Variants in QTMAN observed in about 807,000 individuals in gnomAD.
QTMAN encodes the protein tRNA-queuosine alpha-mannosyltransferase.
the QTMAN span, among the ~76,000 whole-genome samples, chr2:143,965,000 A>C: frequency 0.01 from 1,546 of 152,212 alleles, 30 homozygotes; most frequent in African/African-American, 0.035. Context: ...ATTTGTGGGA[A>C]ATTATTAAGT....
At chr2:143,987,435 T>C in the QTMAN span, among the ~76,000 whole-genome samples, 3 of 152,352 alleles carry the variant, frequency 2.0e-5, no homozygotes, top group East Asian at 3.9e-4. Flanking sequence ...ACATGTCTAA[T>C]GGAATCCCTC....
At chr2:144,136,328 G>A in the QTMAN span, among the ~76,000 whole-genome samples, 4 of 148,348 alleles carry the variant, frequency 2.7e-5, no homozygotes, top group Admixed American at 6.8e-5. Flanking sequence ...CCTGTCAAAA[G>A]AGGGGAGGGG....
At chr2:144,131,658 T>C in the QTMAN span, among the ~76,000 whole-genome samples, 1 of 151,908 alleles carries the variant, frequency 6.6e-6, no homozygotes, top group Non-Finnish European at 1.5e-5. Context: ...GACCATTTAC[T>C]TTCACAATTC....
At chr2:143,946,122 T>C in the QTMAN span, 1 of 152,196 alleles carries the variant, frequency 6.6e-6, no homozygotes, top group Non-Finnish European at 1.5e-5. Context: ...TCATAAGCGA[T>C]TTATCTTGAA....
At chr2:144,022,994 T>C in the QTMAN span, among the ~76,000 whole-genome samples, 1 of 152,194 alleles carries the variant, frequency 6.6e-6, no homozygotes, top group Admixed American at 6.5e-5. Flanking sequence ...TTTCTCATGT[T>C]TTCAATTTAT....
At chr2:144,178,627 T>A in the QTMAN span, 1 of 153,724 alleles carries the variant, frequency 6.5e-6, no homozygotes, top group Admixed American at 6.5e-5. Flanking sequence ...TCCCTAGGCA[T>A]CTCACACTCT....
At chr2:144,235,138 G>C in the QTMAN span, among the ~76,000 whole-genome samples, 8 of 152,186 alleles carry the variant, frequency 5.3e-5, no homozygotes, top group Middle Eastern at 3.2e-3. Flanking sequence ...CATTCATGTA[G>C]TGCCAAAGTA....
At chr2:144,323,713 A>G in the QTMAN span, among the ~76,000 whole-genome samples, 1 of 152,184 alleles carries the variant, frequency 6.6e-6, no homozygotes, top group Admixed American at 6.5e-5. Flanking sequence ...CCCCCATATA[A>G]TAAATATACT....
the QTMAN span, among the ~76,000 whole-genome samples, chr2:144,328,554 C>G: frequency 3.9e-5 from 6 of 152,308 alleles, no homozygotes; most frequent in Non-Finnish European, 5.9e-5. Flanking sequence ...ATGCTCAGGG[C>G]ACCAGAATAA....
chr2:144,200,102 C>T, the QTMAN span, among the ~76,000 whole-genome samples: 1 of 152,038 alleles, frequency 6.6e-6, no homozygotes, highest in African/African-American at 2.4e-5. Context: ...CCAGGGGCTA[C>T]AAACACAAAG....
At chr2:144,052,199 A>G in the QTMAN span, among the ~76,000 whole-genome samples, 1 of 152,160 alleles carries the variant, frequency 6.6e-6, no homozygotes, top group Non-Finnish European at 1.5e-5. Flanking sequence ...GTCTGGATTT[A>G]TGGAATTTAT....
chr2:144,076,996 C>A, the QTMAN span, among the ~76,000 whole-genome samples: 65 of 149,862 alleles, frequency 4.3e-4, no homozygotes, highest in Non-Finnish European at 7.7e-4. Flanking sequence ...AAAATAAAAA[C>A]CAGGTAATAT....
At chr2:144,266,890 T>C in the QTMAN span, among the ~76,000 whole-genome samples, 1 of 152,174 alleles carries the variant, frequency 6.6e-6, no homozygotes, top group Non-Finnish European at 1.5e-5. Flanking sequence ...AACTATAAAG[T>C]ACTTTGGGGA....
the QTMAN span, among the ~76,000 whole-genome samples, chr2:143,980,205 G>A: frequency 2.0e-5 from 3 of 151,726 alleles, no homozygotes; most frequent in African/African-American, 7.3e-5. Context: ...CCCTCTGACA[G>A]GCCCCAGTGT....
chr2:144,010,241 T>C, the QTMAN span, among the ~76,000 whole-genome samples: 1 of 152,034 alleles, frequency 6.6e-6, no homozygotes, highest in South Asian at 2.1e-4. Context: ...CAACAGGAAT[T>C]GGTAACTGAC....
At chr2:143,954,802 T>A in the QTMAN span, among the ~76,000 whole-genome samples, 1 of 152,120 alleles carries the variant, frequency 6.6e-6, no homozygotes, top group East Asian at 1.9e-4. Flanking sequence ...ATACAATTAT[T>A]CATCACTTCA....
At chr2:144,246,545 AGTCCG>A in the QTMAN span, among the ~76,000 whole-genome samples, 1 of 140,994 alleles carries the variant, frequency 7.1e-6, no homozygotes, top group African/African-American at 2.7e-5. Context: ...TGCAGTCCGC[AGTCCG>A]GCCTGGGCGA....
At chr2:144,193,367 C>A in the QTMAN span, among the ~76,000 whole-genome samples, 1 of 149,048 alleles carries the variant, frequency 6.7e-6, no homozygotes, top group South Asian at 2.1e-4. Flanking sequence ...ATAAAATGAC[C>A]CCTATTTTAA....
At chr2:144,014,744 T>A in the QTMAN span, among the ~76,000 whole-genome samples, 1 of 152,190 alleles carries the variant, frequency 6.6e-6, no homozygotes. Flanking sequence ...TTTCCTGATG[T>A]CTGTCCTTTC....
Sources: allele counts gnomAD v4.1 joint callset (sites outside exome capture counted in the v4.1 genomes callset), GRCh38; gene constraint gnomAD v4.1.1; transcripts MANE v1.5; gene names NCBI Gene and HGNC (gene_info 2026-07-23, HGNC 2026-07-21).